PTPRN2: variants seen among roughly 807,000 people sequenced by gnomAD.
PTPRN2 encodes the protein receptor-type tyrosine-protein phosphatase N2.
PTPRN2 carries 74 observed loss-of-function variants against 118.8 expected under a neutral mutation model. The observed-to-expected ratio is 0.62, with a 90% CI of 0.52 to 0.76. PTPRN2 has a LOEUF of 0.76. Among genes scored for constraint, PTPRN2 ranks in the 30% least tolerant of loss-of-function variants. The pLI, the probability that PTPRN2 is intolerant of heterozygous loss-of-function variation, is 0.00. For missense variants in PTPRN2, 1,481 were observed against 1,394.4 expected, an observed-to-expected ratio of 1.06 and a Z score of -0.99; for synonymous variants, 641 against 608.0, an observed-to-expected ratio of 1.05 and a Z score of -0.80.
intron 11 of PTPRN2, among the ~76,000 whole-genome samples, chr7:158,007,261 C>T (rs116700624): frequency 0.01 from 1,583 of 152,328 alleles, 16 homozygotes; most frequent in African/African-American, 0.036. Flanking sequence ...CACACGTCAG[C>T]CCATCCCAGG....
chr7:158,061,226 C>T (rs990043620), intron 11 of PTPRN2, among the ~76,000 whole-genome samples: 3 of 152,248 alleles, frequency 2.0e-5, no homozygotes, highest in African/African-American at 7.2e-5. Flanking sequence ...CCAAGCTGCT[C>T]CGCTCAGAGA....
intron 1 of PTPRN2, among the ~76,000 whole-genome samples, chr7:158,538,592 G>A (rs1399616776): frequency 6.6e-6 from 1 of 152,170 alleles, no homozygotes; most frequent in Admixed American, 6.5e-5. Flanking sequence ...GGGACCTGCA[G>A]AGACGCATCC....
chr7:158,167,265 G>C lies in PTPRN2; in HGVS notation c.576C>G (p.Ile192Met). The C allele has an allele frequency of 6.2e-7, 1 of 1,607,738 alleles. No individual in the cohort carries two copies. Among genetic ancestry groups the C allele is most frequent in the Non-Finnish European group, 8.5e-7 (1 of 1,176,796 alleles). ...AEGDDRFSES[I>M]LTYVAHTSAL... Reference sequence around the variant, plus strand: ...CAGACGTGTGGGCCACATAGGTCAGGATGCTCTCGGAGAAGCGGTCATCAC... The same window carrying C: ...CAGACGTGTGGGCCACATAGGTCAGCATGCTCTCGGAGAAGCGGTCATCAC... Residue 192 changes from isoleucine to methionine, a missense_variant, in exon 6 of 23, where the codon ATC becomes ATG. Ile to Met is a conservative substitution (Grantham distance 10). Around this residue, in one of 3 missense-constraint regions of PTPRN2, gnomAD observed 1,115 missense variants for 994.2 expected, o/e 1.12. Transcript: ENST00000389418.
chr7:158,170,377 G>A (rs1823427791), intron 5 of PTPRN2, among the ~76,000 whole-genome samples: 1 of 152,186 alleles, frequency 6.6e-6, no homozygotes, highest in African/African-American at 2.4e-5. Flanking sequence ...CAGTAACCTG[G>A]AGCTTCCACG....
At chr7:158,564,396 G>A (rs1334886985) in intron 1 of PTPRN2, among the ~76,000 whole-genome samples, 2 of 152,322 alleles carry the variant, frequency 1.3e-5, no homozygotes, top group Middle Eastern at 3.4e-3. Flanking sequence ...ACAGCCAATC[G>A]ACCTGTGAGC....
At chr7:158,454,957 C>T (rs900663490) in intron 2 of PTPRN2, among the ~76,000 whole-genome samples, 10 of 152,180 alleles carry the variant, frequency 6.6e-5, no homozygotes, top group Non-Finnish European at 1.5e-4. Flanking sequence ...GTCAGGCTGC[C>T]TCCACGCAGC....
chr7:158,095,069 A>G lies in PTPRN2; in HGVS notation c.1644-13692T>C, dbSNP rs1814526530. On this transcript the variant is annotated intron_variant, in intron 10 of 22. Coordinates refer to ENST00000389418, the MANE Select transcript of PTPRN2 (RefSeq NM_002847.5). ...GGTCCTGTAACTGGGGCAGGTTTAT[A>G]TTCCTCCCTGCCCTGGGTTGCAGGT... Among the ~76,000 whole-genome samples the G allele has an allele frequency of 2.6e-5, 4 of 151,952 alleles. No homozygotes were observed. The South Asian group carries it at 8.3e-4, about 32-fold the overall frequency.
rs575498137 is a variant in PTPRN2, at chr7:157,596,289, C to G, written c.2419-974G>C. ...ACAGCCGGTCAGCCTGGGCCTGGGT[C>G]TGTGGCAGAGCCGGGGCGGAAGGGC... On this transcript the variant is annotated intron_variant, in intron 16 of 22. Transcript: ENST00000389418. This position sits in a 1 kb window ranked among gnomAD's most constrained non-coding sequence, Gnocchi z 4.2. Among the ~76,000 whole-genome samples the G allele has an allele frequency of 6.6e-6, 1 of 152,280 alleles. No homozygotes were observed. The highest frequency in any genetic ancestry group is 2.4e-5 in the African/African-American group (1 of 41,560).
chr7:158,025,334 G>T (rs1277277710), intron 11 of PTPRN2, among the ~76,000 whole-genome samples: 1 of 152,108 alleles, frequency 6.6e-6, no homozygotes, highest in African/African-American at 2.4e-5. Flanking sequence ...GCAGACAAAG[G>T]CCCCCATGGT....
intron 14 of PTPRN2, among the ~76,000 whole-genome samples, chr7:157,636,331 T>A (rs1162668812): frequency 6.6e-6 from 1 of 152,200 alleles, no homozygotes; most frequent in Non-Finnish European, 1.5e-5. Flanking sequence ...AAAGGAACAT[T>A]ATTCATCAAG....
At chr7:158,315,838 A>T (rs1453894733) in intron 3 of PTPRN2, among the ~76,000 whole-genome samples, 1 of 152,232 alleles carries the variant, frequency 6.6e-6, no homozygotes, top group Non-Finnish European at 1.5e-5. Flanking sequence ...CCAAAGAGTG[A>T]CCTCAGCAGA....
intron 22 of PTPRN2, among the ~76,000 whole-genome samples, chr7:157,541,405 G>A (rs557835519): frequency 1.4e-4 from 22 of 152,344 alleles, no homozygotes; most frequent in Admixed American, 1.1e-3. Flanking sequence ...CACACCTGAG[G>A]GGCACCCCTC....
chr7:157,989,266 A>C (rs1293558552), intron 11 of PTPRN2, among the ~76,000 whole-genome samples: 1 of 151,974 alleles, frequency 6.6e-6, no homozygotes, highest in Non-Finnish European at 1.5e-5. Context: ...AAAAATATAA[A>C]AGTTAAGCTA....
intron 2 of PTPRN2, among the ~76,000 whole-genome samples, chr7:158,421,415 T>C (rs1233468795): frequency 6.6e-6 from 1 of 152,254 alleles, no homozygotes; most frequent in African/African-American, 2.4e-5. Flanking sequence ...CGTTTCATTA[T>C]TTATGCAAAG....
At chr7:157,604,359 G>A (rs149956231) in intron 15 of PTPRN2, among the ~76,000 whole-genome samples, 1 of 152,292 alleles carries the variant, frequency 6.6e-6, no homozygotes, top group African/African-American at 2.4e-5. Context: ...CCTCCCCTCC[G>A]TTTGTGATCC....
intron 2 of PTPRN2, among the ~76,000 whole-genome samples, chr7:158,342,337 G>A (rs1427234723): frequency 7.0e-6 from 1 of 143,386 alleles, no homozygotes; most frequent in Non-Finnish European, 1.5e-5. Flanking sequence ...CATAAGAGCT[G>A]ACACCTGCAG....
intron 1 of PTPRN2, among the ~76,000 whole-genome samples, chr7:158,551,087 G>A (rs887409528): frequency 9.8e-5 from 15 of 152,372 alleles, no homozygotes; most frequent in African/African-American, 3.4e-4. Context: ...CAGAACACCA[G>A]GGCAGGGCAG....
intron 11 of PTPRN2, among the ~76,000 whole-genome samples, chr7:158,020,249 C>T (rs1477089519): frequency 1.3e-5 from 2 of 152,228 alleles, no homozygotes; most frequent in Non-Finnish European, 2.9e-5. Context: ...AACTTACCTC[C>T]TTCAGCCAAC....
At chr7:158,340,238 C>T (rs1370815649) in intron 2 of PTPRN2, among the ~76,000 whole-genome samples, 2 of 92,758 alleles carry the variant, frequency 2.2e-5, no homozygotes, top group African/African-American at 7.5e-5. Context: ...GTCACTCACA[C>T]CCACACTCTC....
Sources: gnomAD v4.1 joint callset for allele counts (sites outside exome capture counted in the v4.1 genomes callset) on GRCh38, gnomAD v4.1.1 for gene constraint, gnomAD v4.1.1 regional missense constraint, Gnocchi (gnomAD v3.1) non-coding constraint, MANE v1.5 for transcripts, NCBI Gene and HGNC (gene_info 2026-07-23, HGNC 2026-07-21) for gene names.